The following CRTAC1 variants were observed in gnomAD, a reference collection of about 807,000 sequenced individuals.
CRTAC1 encodes cartilage acidic protein 1, also known as acidic secreted protein in cartilage.
CRTAC1 carries 37 observed loss-of-function variants against 67.8 expected under a neutral mutation model. The observed-to-expected ratio is 0.55, with a 90% CI of 0.42 to 0.72. CRTAC1 has a LOEUF of 0.72. Among genes scored for constraint, CRTAC1 ranks in the 30% least tolerant of loss-of-function variants. The pLI is 0.00. For synonymous variants in CRTAC1, 348 were observed against 371.0 expected, an observed-to-expected ratio of 0.94 and a Z score of 0.71; for missense variants, 780 against 931.6, an observed-to-expected ratio of 0.84 and a Z score of 2.12.
chr10:97,980,036 T>C (rs972997678), intron 2 of CRTAC1, among the ~76,000 whole-genome samples: 2 of 152,218 alleles, frequency 1.3e-5, no homozygotes, highest in Non-Finnish European at 2.9e-5. Context: ...ACTGGTCCAA[T>C]GGCCTGTGTA....
intron 3 of CRTAC1, among the ~76,000 whole-genome samples, chr10:97,925,709 A>G (rs2050904535): frequency 9.9e-6 from 1 of 101,278 alleles, no homozygotes; most frequent in African/African-American, 4.0e-5. Flanking sequence ...TGGGGGGATG[A>G]GTGAGTGTGA....
intron 2 of CRTAC1, among the ~76,000 whole-genome samples, chr10:97,974,615 G>A (rs1384611509): frequency 1.3e-5 from 2 of 152,124 alleles, no homozygotes; most frequent in African/African-American, 4.8e-5. Flanking sequence ...CTCCAGGGCC[G>A]TTTAACTCCT....
At chr10:97,905,198 G>T (rs946078835) in intron 6 of CRTAC1, among the ~76,000 whole-genome samples, 4 of 152,158 alleles carry the variant, frequency 2.6e-5, no homozygotes, top group Non-Finnish European at 4.4e-5. Context: ...TTTTGCTTAA[G>T]CTGATCATGC....
intron 1 of CRTAC1, among the ~76,000 whole-genome samples, chr10:98,012,278 G>A (rs376912283): frequency 8.5e-5 from 13 of 152,328 alleles, no homozygotes; most frequent in African/African-American, 3.1e-4. Flanking sequence ...CCAGGAGACA[G>A]ATGAAAATGG....
chr10:97,890,913 C>T (rs752422434), intron 11 of CRTAC1, among the ~76,000 whole-genome samples: 29 of 152,304 alleles, frequency 1.9e-4, no homozygotes, highest in Middle Eastern at 3.4e-3. Context: ...GTGATCTGCC[C>T]GCCTTGGCCT....
intron 2 of CRTAC1, among the ~76,000 whole-genome samples, chr10:98,005,478 A>G (rs1235856065): frequency 6.6e-6 from 1 of 152,020 alleles, no homozygotes; most frequent in Non-Finnish European, 1.5e-5. Context: ...ATAATATCAA[A>G]ACTGATTATC....
intron 2 of CRTAC1, among the ~76,000 whole-genome samples, chr10:97,992,764 G>A (rs1564926559): frequency 6.6e-6 from 1 of 152,136 alleles, no homozygotes; most frequent in Non-Finnish European, 1.5e-5. Context: ...AGTGGAGAGT[G>A]GAATGATAGT....
At chr10:97,903,857 C>T (rs1268611876) in intron 7 of CRTAC1, among the ~76,000 whole-genome samples, 1 of 152,092 alleles carries the variant, frequency 6.6e-6, no homozygotes, top group Non-Finnish European at 1.5e-5. Context: ...GGAGGGGGCA[C>T]AGAGAGGGCT....
chr10:97,917,721 C>T, intron 4 of CRTAC1, 65 bp from the exon 5 acceptor site: 1 of 1,333,054 alleles, frequency 7.5e-7, no homozygotes, highest in Non-Finnish European at 1.0e-6. Flanking sequence ...ACCGCCCCCT[C>T]CCCACCCCAG....
chr10:97,899,923 T>A (rs906548031), intron 8 of CRTAC1, among the ~76,000 whole-genome samples: 1 of 152,192 alleles, frequency 6.6e-6, no homozygotes, highest in East Asian at 1.9e-4. Context: ...GGACTCCACC[T>A]ATCCAGGACT....
intron 1 of CRTAC1, among the ~76,000 whole-genome samples, chr10:98,025,857 A>T (rs1337914793): frequency 6.6e-6 from 1 of 152,184 alleles, no homozygotes; most frequent in Non-Finnish European, 1.5e-5. Context: ...CCTCCATCAC[A>T]TTCAGAATTA....
chr10:98,002,161 A>C (rs761390032), intron 2 of CRTAC1, among the ~76,000 whole-genome samples: 11 of 152,198 alleles, frequency 7.2e-5, no homozygotes, highest in Non-Finnish European at 1.2e-4. Flanking sequence ...GACTTCAAGG[A>C]AAGTGATTGG....
intron 2 of CRTAC1, among the ~76,000 whole-genome samples, chr10:98,000,873 C>T (rs1842674091): frequency 6.6e-6 from 1 of 152,216 alleles, no homozygotes; most frequent in South Asian, 2.1e-4. Context: ...GGACTAAACT[C>T]ACTGGCAAAA....
Position 97,896,002 on chromosome 10 carries a change from T to C in CRTAC1, c.1217-17A>G. ...CCACACCCCCTACAAACAATGCAGA[T>C]TTCACCTCTGGCCGTAATCCAGGAG... On this transcript the variant is annotated splice_polypyrimidine_tract_variant and intron_variant, in intron 9 of 14. Coordinates refer to ENST00000370597, the MANE Select transcript of CRTAC1 (RefSeq NM_018058.7). 2 of 1,609,110 alleles carry C rather than the reference T, an allele frequency of 1.2e-6. No homozygotes were observed. The highest frequency in any genetic ancestry group is 2.2e-5 in the South Asian group (2 of 90,980).
chr10:97,939,227 T>C (rs1479648264), intron 2 of CRTAC1, among the ~76,000 whole-genome samples: 3 of 152,056 alleles, frequency 2.0e-5, no homozygotes, highest in Non-Finnish European at 4.4e-5. Context: ...GAATCTGGAG[T>C]AGCTGGGGTA....
In CRTAC1 at chr10:97,971,080, T is replaced by C. The variant is rs1002209280; in HGVS notation, c.225-34714A>G. On this transcript the variant is annotated intron_variant, in intron 2 of 14. Transcript: ENST00000370597. ...ATCAAAGTAACAAAGATAAACCAAATAATAATATCCAATGCTGACAAGCAC... is the reference window on the plus strand; with the variant it reads ...ATCAAAGTAACAAAGATAAACCAAACAATAATATCCAATGCTGACAAGCAC... 5.9e-5 allele frequency among the ~76,000 whole-genome samples: 9 copies of C among 152,198 alleles called. No individual in the cohort carries two copies. In the East Asian group the frequency reaches 9.6e-4, roughly 16 times the overall value.
chr10:98,003,075 G>A (rs758938247), intron 2 of CRTAC1, among the ~76,000 whole-genome samples: 12 of 152,004 alleles, frequency 7.9e-5, no homozygotes, highest in Non-Finnish European at 1.0e-4. Flanking sequence ...GAGCCACTGC[G>A]CCCGGCCCAA....
chr10:97,967,727 C>G (rs950896708), intron 2 of CRTAC1, among the ~76,000 whole-genome samples: 11 of 151,996 alleles, frequency 7.2e-5, no homozygotes, highest in African/African-American at 2.7e-4. Context: ...AAAGTTGGAT[C>G]TGGTTGCTTC....
intron 7 of CRTAC1, among the ~76,000 whole-genome samples, chr10:97,903,391 A>T (rs2050568009): frequency 6.6e-6 from 1 of 151,152 alleles, no homozygotes; most frequent in South Asian, 2.1e-4. Context: ...GGGTGAGAAC[A>T]AGAGTAGAAT....
Sources: allele counts gnomAD v4.1 joint callset (sites outside exome capture counted in the v4.1 genomes callset), GRCh38; gene constraint gnomAD v4.1.1; transcripts MANE v1.5; gene names NCBI Gene and HGNC (gene_info 2026-07-23, HGNC 2026-07-21).